TMEM184C: variants seen among roughly 807,000 people sequenced by gnomAD.
The protein encoded by TMEM184C is transmembrane protein 184C.
In TMEM184C, 25 loss-of-function variants were observed where a neutral mutation model predicts 54.5. The ratio of observed to expected loss-of-function variants is 0.46; its 90% CI spans 0.33 to 0.64. The LOEUF (loss-of-function observed/expected upper bound fraction) is 0.64, where lower values mean the gene tolerates loss of function less well. TMEM184C is among the 30% of genes least tolerant of loss of function. The pLI, the probability that TMEM184C is intolerant of heterozygous loss-of-function variation, is 0.02. For missense variants in TMEM184C, 335 were observed against 520.3 expected, an observed-to-expected ratio of 0.64 and a Z score of 3.46; for synonymous variants, 148 against 181.5, an observed-to-expected ratio of 0.82 and a Z score of 1.49.
In TMEM184C at chr4:147,624,872, T is replaced by C. The variant is rs1429791353; in HGVS notation, c.360T>C (p.Tyr120=). Residue 120 remains tyrosine, a synonymous_variant, in exon 4 of 10, where the codon TAT becomes TAC. Transcript: ENST00000296582. ...CCTGCAGAGAATGCTATGAAGCTTATGTAATTTACAACTTTATGGGATTCC... is the reference window on the plus strand; with the variant it reads ...CCTGCAGAGAATGCTATGAAGCTTACGTAATTTACAACTTTATGGGATTCC... ...VDTCRECYEA[Y]VIYNFMGFLT... is the part of the protein sequence containing the mutation. The C allele has an allele frequency of 5.6e-6, 9 of 1,613,948 alleles. No homozygotes were observed. The East Asian group carries it at 8.9e-5, about 16-fold the overall frequency.
In TMEM184C at chr4:147,629,703, T is replaced by C; in HGVS notation, c.666+11T>C. 1 of 1,549,120 alleles carries C rather than the reference T, an allele frequency of 6.5e-7. No homozygotes were observed. Among genetic ancestry groups the C allele is most frequent in the Middle Eastern group, 1.7e-4 (1 of 5,866 alleles). On this transcript the variant is annotated intron_variant, in intron 6 of 9. Transcript: ENST00000296582. ...AACATGTCACAGTTGGTAAGTAAAA[T>C]GTTCACTTTTCTTAAACTGTACTAA...
rs1312954100 is a variant in TMEM184C at position 147,635,496 on chromosome 4, G to T, written c.*1062G>T. On this transcript the variant is annotated 3_prime_UTR_variant, in exon 10 of 10. Coordinates refer to ENST00000296582, the MANE Select transcript of TMEM184C (RefSeq NM_018241.3). Reference sequence around the variant, plus strand: ...CTAATTGCTAATCACAACCCCACTGGGTCATGTTTGACATTTTATAATGAA... The same window carrying T: ...CTAATTGCTAATCACAACCCCACTGTGTCATGTTTGACATTTTATAATGAA... 1 of 152,012 alleles carries T rather than the reference G, an allele frequency of 6.6e-6. No homozygotes were observed. Among genetic ancestry groups the T allele is most frequent in the Non-Finnish European group, 1.5e-5 (1 of 67,988 alleles). The allele number at this position is 152,012 out of a possible 1,614,324, so 9.4% of individuals were successfully genotyped here.
At position 147,617,765 on chromosome 4, in the gene TMEM184C, T is replaced by C. The variant is rs1732624473; in HGVS notation, c.-192T>C. 2 of 679,120 alleles carry C rather than the reference T, an allele frequency of 2.9e-6. No individual in the cohort carries two copies. The highest frequency in any genetic ancestry group is 4.3e-4 in the Middle Eastern group (1 of 2,326). 42.1% of individuals were successfully genotyped at this position (679,120 alleles called of 1,614,324 possible). A position where few individuals can be genotyped will look rare whatever the true frequency, so the allele number is the denominator to read the frequency against. Reference sequence around the variant, plus strand: ...GCTCGCCAATAGCACCCTGAGAGGCTACATTTGCAGAAGCAGCAGCAGCAG... The same window carrying C: ...GCTCGCCAATAGCACCCTGAGAGGCCACATTTGCAGAAGCAGCAGCAGCAG... On this transcript the variant is annotated 5_prime_UTR_variant, in exon 1 of 10. Coordinates refer to ENST00000296582, the MANE Select transcript of TMEM184C (RefSeq NM_018241.3).
chr4:147,619,220 AAG>A lies in TMEM184C; in HGVS notation c.123+1144_123+1145del, dbSNP rs1425680852. Among the ~76,000 whole-genome samples the A allele has an allele frequency of 3.5e-5, 5 of 143,974 alleles. No individual in the cohort carries two copies. In the East Asian group the frequency reaches 8.6e-4, roughly 25 times the overall value. The allele number at this position is 143,974 out of a possible 152,430, so 94.5% of individuals were successfully genotyped here. ...TATTTTTATTTATTTATTTTTGAGA[AAG>A]AGTCTAGCTCTGTCGCCCTGGCTGG... is the stretch of plus-strand genomic sequence containing the variant. On this transcript the variant is annotated intron_variant, in intron 1 of 9. Transcript: ENST00000296582.
At chr4:147,631,632 A>G in intron 7 of TMEM184C, 127 bp downstream of exon 7, 2 of 691,388 alleles carry the variant, frequency 2.9e-6, no homozygotes. Flanking sequence ...TCTTTTTAAA[A>G]GTTCATCTTT....
Position 147,634,290 on chromosome 4 carries a change from A to G in TMEM184C, c.1173A>G (p.Pro391=). The G allele has an allele frequency of 6.2e-7, 1 of 1,614,160 alleles. No homozygotes were observed. The highest frequency in any genetic ancestry group is 8.5e-7 in the Non-Finnish European group (1 of 1,180,008). The part of the protein sequence containing the change: ...QDAISIASSM[P]PSPMGHYQGF... ...CAATTTCCATTGCTTCTTCTATGCC[A>G]CCTTCACCCATGGGTCACTACCAAG... is the stretch of plus-strand genomic sequence containing the variant. The change falls in exon 10 of 10, where the codon CCA becomes CCG. Residue 391 remains proline, a synonymous_variant. Transcript: ENST00000296582.
chr4:147,634,072 G>A (rs1732964704), intron 9 of TMEM184C, 97 bp from the exon 10 acceptor site: 1 of 1,523,340 alleles, frequency 6.6e-7, no homozygotes, highest in Non-Finnish European at 8.8e-7. Flanking sequence ...ATCAACTTTG[G>A]GGAGTGGGAG....
At position 147,624,960 on chromosome 4, in the gene TMEM184C, C is replaced by A. The variant is rs1560952293; in HGVS notation, c.448C>A (p.Gln150Lys). 2 of 1,613,926 alleles carry A rather than the reference C, an allele frequency of 1.2e-6. No individual in the cohort carries two copies. The highest frequency in any genetic ancestry group is 2.7e-5 in the African/African-American group (2 of 75,040). The change falls in exon 4 of 10, where the codon CAG becomes AAG. Residue 150 changes from glutamine (Q) to lysine (K), a missense_variant. By Grantham distance (53) the Gln-to-Lys change is moderately conservative. Coordinates refer to ENST00000296582, the MANE Select transcript of TMEM184C (RefSeq NM_018241.3). ...ATTAATCCTTGAAGCCAAAGATCAA[C>A]AGAAACATTTCCCTCCTTTATGTTG... ...LVLILEAKDQQKHFPPLCCCP... is the reference protein window; with the variant it reads ...LVLILEAKDQKKHFPPLCCCP...
At chr4:147,620,974 G>A (rs1264875242) in intron 1 of TMEM184C, among the ~76,000 whole-genome samples, 2 of 152,188 alleles carry the variant, frequency 1.3e-5, no homozygotes, top group African/African-American at 2.4e-5. Context: ...ACCATAGCCT[G>A]AGTGGCTTAA....
In TMEM184C at chr4:147,625,120, A is replaced by G. The variant is rs1732788968; in HGVS notation, c.497+111A>G. 6.8e-6 allele frequency: 7 copies of G among 1,036,010 alleles called. No homozygotes were observed. The South Asian group carries it at 9.0e-5, about 13-fold the overall frequency. 64.2% of individuals were successfully genotyped at this position (1,036,010 alleles called of 1,614,324 possible). A position where few individuals can be genotyped will look rare whatever the true frequency, so the allele number is the denominator to read the frequency against. ...GTGCATTAAGTATTAATAGCAGAAC[A>G]ATAAGTATAAGACAGCTCCTGATGC... On this transcript the variant is annotated intron_variant, in intron 4 of 9. Coordinates refer to ENST00000296582, the MANE Select transcript of TMEM184C (RefSeq NM_018241.3).
intron 7 of TMEM184C, among the ~76,000 whole-genome samples, chr4:147,632,334 T>C (rs1578861959): frequency 1.3e-5 from 2 of 151,958 alleles, no homozygotes; most frequent in South Asian, 4.2e-4. Context: ...GGTAAACCTG[T>C]GTCACATATA....
intron 1 of TMEM184C, among the ~76,000 whole-genome samples, chr4:147,619,325 G>A (rs796915199): frequency 1.1e-4 from 17 of 152,182 alleles, no homozygotes; most frequent in African/African-American, 3.9e-4. Context: ...AGCCTCCCAA[G>A]TAGCTGGGAT....
intron 1 of TMEM184C, among the ~76,000 whole-genome samples, chr4:147,623,010 C>T (rs1732740355): frequency 6.6e-6 from 1 of 152,164 alleles, no homozygotes; most frequent in Admixed American, 6.5e-5. Flanking sequence ...CAATCATGAG[C>T]CACCTCACTC....
At chr4:147,634,009 T>TTATC in intron 9 of TMEM184C, 73 bp downstream of exon 9, 1 of 1,543,804 alleles carries the variant, frequency 6.5e-7, no homozygotes, top group Non-Finnish European at 8.7e-7. Context: ...GGGCAATTTA[T>TTATC]TATCTATTTA....
chr4:147,628,186 A>G (rs776950638), intron 4 of TMEM184C, among the ~76,000 whole-genome samples, 175 bp from the exon 5 acceptor site: 1 of 152,216 alleles, frequency 6.6e-6, no homozygotes, highest in Non-Finnish European at 1.5e-5. Flanking sequence ...TATTTAGATA[A>G]TTTGTTTCCT....
intron 4 of TMEM184C, among the ~76,000 whole-genome samples, chr4:147,627,163 G>A (rs532421833): frequency 2.6e-5 from 4 of 152,200 alleles, no homozygotes; most frequent in Non-Finnish European, 4.4e-5. Context: ...AAGGCCCAAG[G>A]ATGAAGCCAA....
intron 7 of TMEM184C, 26 bp downstream of exon 7, chr4:147,631,531 T>TC: frequency 6.4e-7 from 1 of 1,568,552 alleles, no homozygotes; most frequent in Non-Finnish European, 8.7e-7. Context: ...TTTTAAATGT[T>TC]CTCATTTTTT....
At chr4:147,624,649 A>G (rs1336097261) in intron 3 of TMEM184C, among the ~76,000 whole-genome samples, 155 bp from the exon 4 acceptor site, 1 of 152,200 alleles carries the variant, frequency 6.6e-6, no homozygotes, top group African/African-American at 2.4e-5. Context: ...TCACAGATTG[A>G]TAGCCCTCAT....
chr4:147,623,654 T>TG (rs1732757664), intron 1 of TMEM184C, among the ~76,000 whole-genome samples, 180 bp from the exon 2 acceptor site: 2 of 151,608 alleles, frequency 1.3e-5, no homozygotes, highest in East Asian at 1.9e-4. Flanking sequence ...AATTTTTTTT[T>TG]TTTGTAGTGA....
Sources: allele counts gnomAD v4.1 joint callset (sites outside exome capture counted in the v4.1 genomes callset), GRCh38; gene constraint gnomAD v4.1.1; transcripts MANE v1.5; gene names NCBI Gene and HGNC (gene_info 2026-07-23, HGNC 2026-07-21).